The following HNMT variants were observed in gnomAD, a reference collection of about 807,000 sequenced individuals.
HNMT encodes histamine N-methyltransferase.
Under a neutral mutation model 32.1 loss-of-function variants are expected in HNMT, and 30 were observed. That is an observed-to-expected ratio of 0.93 (90% confidence interval 0.70 to 1.27). The LOEUF (loss-of-function observed/expected upper bound fraction) is 1.27. HNMT is among the 50% of genes most tolerant of loss of function. The pLI is 0.00. For missense variants in HNMT, 327 were observed against 346.0 expected (o/e 0.95, Z 0.43); for synonymous variants, 125 against 119.0 (o/e 1.05, Z -0.33).
intron 2 of HNMT, among the ~76,000 whole-genome samples, chr2:137,985,250 T>C (rs922402994): frequency 6.6e-6 from 1 of 151,638 alleles, no homozygotes; most frequent in Non-Finnish European, 1.5e-5. Flanking sequence ...TCTAACTCCA[T>C]CCCTTGACTG....
At chr2:137,984,110 G>A (rs1456779243) in intron 2 of HNMT, among the ~76,000 whole-genome samples, 1 of 152,124 alleles carries the variant, frequency 6.6e-6, no homozygotes, top group Non-Finnish European at 1.5e-5. Context: ...CAATTTTTCT[G>A]CCTTATAACT....
rs1310100707 is a variant in HNMT, at chr2:138,014,061, A to G, written c.810A>G (p.Glu270=). Reference sequence around the variant, plus strand: ...TTGGGAAAGATCTACAAGAGCCTGAATTTAGTGCTAAGAAAGAGGGGAAGG... The same window carrying G: ...TTGGGAAAGATCTACAAGAGCCTGAGTTTAGTGCTAAGAAAGAGGGGAAGG... ...AELGKDLQEP[E]FSAKKEGKVL... Residue 270 remains glutamate (E), a synonymous_variant, in exon 6 of 6, where the codon GAA becomes GAG. Coordinates refer to ENST00000280097, the MANE Select transcript of HNMT (RefSeq NM_006895.3). 1.2e-6 allele frequency: 2 copies of G among 1,612,878 alleles called. No individual in the cohort carries two copies. The highest frequency in any genetic ancestry group is 1.7e-6 in the Non-Finnish European group (2 of 1,179,258).
intron 1 of HNMT, among the ~76,000 whole-genome samples, chr2:137,964,899 C>G (rs1027839984): frequency 2.0e-5 from 3 of 152,160 alleles, no homozygotes; most frequent in Non-Finnish European, 4.4e-5. Flanking sequence ...GGCACAAATC[C>G]ATGTTCATTT....
At chr2:137,990,055 A>G (rs560116769) in intron 2 of HNMT, among the ~76,000 whole-genome samples, 3 of 152,086 alleles carry the variant, frequency 2.0e-5, no homozygotes, top group East Asian at 1.9e-4. Flanking sequence ...TTCTCTTGAC[A>G]TTTTCTTTTG....
intron 1 of HNMT, chr2:137,967,318 A>G (rs1679989581): frequency 1.9e-6 from 1 of 531,776 alleles, no homozygotes. Context: ...TGGGAAGATC[A>G]CTTAAGTCCG....
Position 137,972,843 on chromosome 2 carries a change from T to C in HNMT, c.190+2626T>C, listed in dbSNP as rs1482016907. 4.6e-5 allele frequency among the ~76,000 whole-genome samples: 7 copies of C among 152,330 alleles called. No individual in the cohort carries two copies. In the South Asian group the frequency reaches 1.0e-3, roughly 23 times the overall value. On this transcript the variant is annotated intron_variant, in intron 2 of 5. Transcript: ENST00000280097. Reference sequence around the variant, plus strand: ...ATCATGGCCAAGTTAATTGACCTTTTAATATAAAGTTAATTGAATTTCTAA... The same window carrying C: ...ATCATGGCCAAGTTAATTGACCTTTCAATATAAAGTTAATTGAATTTCTAA...
At chr2:137,970,551 G>A (rs1195807361) in intron 2 of HNMT, among the ~76,000 whole-genome samples, 1 of 152,116 alleles carries the variant, frequency 6.6e-6, no homozygotes, top group African/African-American at 2.4e-5. Context: ...AGCTTCTTAA[G>A]TTTGTGCCAT....
chr2:137,966,376 A>G (rs1278331382), intron 1 of HNMT, among the ~76,000 whole-genome samples: 3 of 152,202 alleles, frequency 2.0e-5, no homozygotes, highest in Non-Finnish European at 2.9e-5. Context: ...ATTTTCTTTC[A>G]TAATTCAAAA....
intron 2 of HNMT, among the ~76,000 whole-genome samples, chr2:137,982,769 C>A (rs147119176): frequency 6.6e-6 from 1 of 152,262 alleles, no homozygotes; most frequent in East Asian, 1.9e-4. Context: ...GTTTTCTTTC[C>A]CTTTATATGC....
intron 1 of HNMT, 82 bp downstream of exon 1, chr2:137,964,710 G>T: frequency 1.4e-6 from 2 of 1,394,408 alleles, no homozygotes; most frequent in East Asian, 2.3e-5. Context: ...GCTCAGCCTC[G>T]CAGGCTGGGC....
chr2:138,008,820 C>G (rs1372064476), intron 5 of HNMT, among the ~76,000 whole-genome samples: 1 of 151,862 alleles, frequency 6.6e-6, no homozygotes, highest in East Asian at 1.9e-4. Context: ...ACCTGGAAGA[C>G]AACCTAGGCA....
chr2:137,976,907 G>C (rs1680304756), intron 2 of HNMT, among the ~76,000 whole-genome samples: 1 of 152,200 alleles, frequency 6.6e-6, no homozygotes, highest in South Asian at 2.1e-4. Context: ...TTCAAGAGAA[G>C]GGAGCATAGT....
At chr2:137,997,488 A>G (rs1489839121) in intron 2 of HNMT, among the ~76,000 whole-genome samples, 1 of 152,230 alleles carries the variant, frequency 6.6e-6, no homozygotes, top group East Asian at 1.9e-4. Context: ...ATCTCATGCC[A>G]GTCAGAATGG....
intron 1 of HNMT, among the ~76,000 whole-genome samples, chr2:137,965,471 G>T (rs567819394): frequency 1.3e-5 from 2 of 152,242 alleles, no homozygotes; most frequent in East Asian, 3.9e-4. Context: ...TTTCTCTATT[G>T]CAGGCCTGAA....
intron 4 of HNMT, among the ~76,000 whole-genome samples, chr2:138,003,980 C>T (rs1045035641): frequency 2.0e-5 from 3 of 152,054 alleles, no homozygotes; most frequent in African/African-American, 7.2e-5. Flanking sequence ...GAATCTCTAT[C>T]CTGTTCCTCT....
At chr2:137,980,289 G>A (rs547309031) in intron 2 of HNMT, among the ~76,000 whole-genome samples, 31 of 152,224 alleles carry the variant, frequency 2.0e-4, no homozygotes, top group African/African-American at 7.0e-4. Context: ...CTCCCATCTC[G>A]GCCTCCCAAA....
chr2:137,991,296 C>A (rs769051757), intron 2 of HNMT, among the ~76,000 whole-genome samples: 12 of 152,206 alleles, frequency 7.9e-5, no homozygotes, highest in Admixed American at 2.0e-4. Flanking sequence ...GAAGCATGGA[C>A]AACCATGTAG....
At chr2:137,968,804 A>G (rs941614751) in intron 1 of HNMT, among the ~76,000 whole-genome samples, 4 of 152,162 alleles carry the variant, frequency 2.6e-5, no homozygotes, top group African/African-American at 7.2e-5. Context: ...CCTTACTTCA[A>G]TTTTTGTTCC....
intron 2 of HNMT, among the ~76,000 whole-genome samples, chr2:137,979,361 C>T (rs892336197): frequency 7.9e-5 from 12 of 151,114 alleles, no homozygotes; most frequent in African/African-American, 2.9e-4. Flanking sequence ...AGCTCCGCCT[C>T]CCGGGTTCAC....
Sources: gnomAD v4.1 joint callset for allele counts (sites outside exome capture counted in the v4.1 genomes callset) on GRCh38, gnomAD v4.1.1 for gene constraint, MANE v1.5 for transcripts, NCBI Gene and HGNC (gene_info 2026-07-23, HGNC 2026-07-21) for gene names.